The following ANKS1B variants were observed in gnomAD, a reference collection of about 807,000 sequenced individuals.
ANKS1B encodes ankyrin repeat and sterile alpha motif domain containing 1B, also known as ankyrin repeat and sterile alpha motif domain-containing protein 1B.
ANKS1B carries 36 observed loss-of-function variants against 148.3 expected under a neutral mutation model. That is an observed-to-expected ratio of 0.24 (90% CI 0.19 to 0.32). The LOEUF (loss-of-function observed/expected upper bound fraction) is 0.32, where lower values mean the gene tolerates loss of function less well. Among genes scored for constraint, ANKS1B ranks in the 10% least tolerant of loss-of-function variants. The pLI is 1.00. For synonymous variants in ANKS1B, 542 were observed against 560.8 expected, an observed-to-expected ratio of 0.97 and a Z score of 0.47; for missense variants, 1,157 against 1,542.6, an observed-to-expected ratio of 0.75 and a Z score of 4.19.
intron 12 of ANKS1B, among the ~76,000 whole-genome samples, chr12:99,374,721 A>G (rs2093315430): frequency 1.3e-5 from 2 of 152,208 alleles, no homozygotes; most frequent in African/African-American, 2.4e-5. Context: ...TCTTATGGTT[A>G]TCTTAAAAGA....
At chr12:99,369,791 TGG>T (rs2093007194) in intron 12 of ANKS1B, among the ~76,000 whole-genome samples, 22 of 148,760 alleles carry the variant, frequency 1.5e-4, no homozygotes, top group East Asian at 4.0e-4. Context: ...GATAGATAGA[TGG>T]ACGGACGGAC....
intron 8 of ANKS1B, among the ~76,000 whole-genome samples, chr12:99,760,920 A>G (rs889643970): frequency 6.6e-6 from 1 of 151,510 alleles, no homozygotes; most frequent in Non-Finnish European, 1.5e-5. Context: ...TGAACACCAT[A>G]TATATACAAA....
At chr12:99,399,535 A>T in intron 12 of ANKS1B, 96 bp downstream of exon 12, 1 of 1,323,182 alleles carries the variant, frequency 7.6e-7, no homozygotes, top group Non-Finnish European at 1.0e-6. Flanking sequence ...CTAAAAACAC[A>T]ATGCAATTTG....
intron 17 of ANKS1B, among the ~76,000 whole-genome samples, chr12:99,000,112 G>C (rs2099932033): frequency 6.6e-6 from 1 of 151,858 alleles, no homozygotes; most frequent in South Asian, 2.1e-4. Context: ...ACAGAGAGGA[G>C]AGTAAGGAAA....
intron 9 of ANKS1B, among the ~76,000 whole-genome samples, chr12:99,630,956 C>T (rs944197903): frequency 3.3e-5 from 5 of 152,192 alleles, no homozygotes; most frequent in African/African-American, 1.2e-4. Context: ...GGGTCTTTCC[C>T]ATGCTTTTCT....
intron 9 of ANKS1B, among the ~76,000 whole-genome samples, chr12:99,541,737 C>T (rs1331754337): frequency 6.6e-6 from 1 of 152,018 alleles, no homozygotes; most frequent in Non-Finnish European, 1.5e-5. Context: ...CACCTGTAAT[C>T]ACAGCTACTT....
chr12:98,857,437 G>C (rs1306258567), intron 17 of ANKS1B, among the ~76,000 whole-genome samples: 1 of 152,130 alleles, frequency 6.6e-6, no homozygotes, highest in African/African-American at 2.4e-5. Context: ...GATTGAGCTT[G>C]AGGAGGGAGA....
chr12:98,791,554 A>ATT (rs74654037), intron 22 of ANKS1B, among the ~76,000 whole-genome samples: 57 of 151,442 alleles, frequency 3.8e-4, no homozygotes, highest in Admixed American at 9.9e-4. Context: ...GCAACAGAGA[A>ATT]TTTTTTTTTA....
At position 99,624,276 on chromosome 12, in the gene ANKS1B, C is replaced by T. The variant is rs138803766; in HGVS notation, c.1272+30791G>A. On this transcript the variant is annotated intron_variant, in intron 9 of 26. Coordinates refer to ENST00000683438, the MANE Select transcript of ANKS1B (RefSeq NM_001352186.2). ...ACCCAAAATGGATTAAAGACTTAAA[C>T]GTAAGACCTCTAATTGTCAAAATCC... Among the ~76,000 whole-genome samples, 1,506 of 152,078 alleles carry T rather than the reference C, an allele frequency of 9.9e-3. 26 individuals carry two copies. The highest frequency in any genetic ancestry group is 0.034 in the African/African-American group (1,401 of 41,520).
rs139942430 is a variant in ANKS1B, at chr12:98,916,207, G to A, written c.2779-84071C>T. On this transcript the variant is annotated intron_variant, in intron 17 of 26. Coordinates refer to ENST00000683438, the MANE Select transcript of ANKS1B (RefSeq NM_001352186.2). ...AAGAATGATTCACTGCTGAGCTACT[G>A]AGCTACAGGGAGCAATCCAAGGTTT... Among the ~76,000 whole-genome samples, 310 of 152,326 alleles carry A rather than the reference G, an allele frequency of 2.0e-3. 4 individuals are homozygous for A. The East Asian group carries it at 0.036, about 18-fold the overall frequency.
intron 19 of ANKS1B, among the ~76,000 whole-genome samples, chr12:98,808,617 T>G (rs1182841712): frequency 6.6e-6 from 1 of 152,114 alleles, no homozygotes; most frequent in Non-Finnish European, 1.5e-5. Context: ...GCTCCATAAT[T>G]CTGGCTCTCC....
rs187656108 is a variant in ANKS1B at position 99,902,347 on chromosome 12, G to A, written c.135-76958C>T. 8.0e-4 allele frequency among the ~76,000 whole-genome samples: 122 copies of A among 152,312 alleles called. 1 individual carries two copies. The highest frequency in any genetic ancestry group is 1.3e-3 in the Non-Finnish European group (89 of 68,026). ...CATCTAGATAACTGAAGCATGGCAAGTGAGAAGGGGGTAAAATAACACAAG... is the reference window on the plus strand; with the variant it reads ...CATCTAGATAACTGAAGCATGGCAAATGAGAAGGGGGTAAAATAACACAAG... On this transcript the variant is annotated intron_variant, in intron 1 of 26. Coordinates refer to ENST00000683438, the MANE Select transcript of ANKS1B (RefSeq NM_001352186.2).
At chr12:99,633,414 G>A (rs2098194470) in intron 9 of ANKS1B, among the ~76,000 whole-genome samples, 1 of 152,058 alleles carries the variant, frequency 6.6e-6, no homozygotes, top group South Asian at 2.1e-4. Flanking sequence ...AAATGGTGCT[G>A]GGAAAACTGG....
chr12:99,702,773 T>A (rs982029281), intron 8 of ANKS1B, among the ~76,000 whole-genome samples: 2 of 120,266 alleles, frequency 1.7e-5, no homozygotes, highest in African/African-American at 5.8e-5. Flanking sequence ...GCTTTTTAAC[T>A]TGATGTGATT....
chr12:99,000,498 G>A (rs2099932339), intron 17 of ANKS1B, among the ~76,000 whole-genome samples: 1 of 152,064 alleles, frequency 6.6e-6, no homozygotes, highest in African/African-American at 2.4e-5. Flanking sequence ...AGAACTCCTG[G>A]CCTCAAGTGA....
chr12:99,470,124 T>TAATAAC (rs1397326752), intron 10 of ANKS1B, among the ~76,000 whole-genome samples: 3 of 151,082 alleles, frequency 2.0e-5, no homozygotes, highest in African/African-American at 7.3e-5. Flanking sequence ...CTAATAATAA[T>TAATAAC]AATAATAATA....
intron 17 of ANKS1B, among the ~76,000 whole-genome samples, chr12:98,913,963 G>A (rs1210101219): frequency 6.6e-6 from 1 of 152,074 alleles, no homozygotes; most frequent in Non-Finnish European, 1.5e-5. Flanking sequence ...GGTATATCCG[G>A]GCCACCAGTT....
chr12:98,782,145 A>G lies in ANKS1B; in HGVS notation c.3343-8T>C. ...ACCTACCTGACAGTTAGCCTGGTGG[A>G]TTTTCCAGTTAAGACAGATGGGAAC... On this transcript the variant is annotated splice_polypyrimidine_tract_variant and splice_region_variant and intron_variant, in intron 22 of 26. Coordinates refer to ENST00000683438, the MANE Select transcript of ANKS1B (RefSeq NM_001352186.2). 6.3e-7 allele frequency: 1 copy of G among 1,598,968 alleles called. No individual in the cohort carries two copies. The highest frequency in any genetic ancestry group is 1.1e-5 in the South Asian group (1 of 88,048).
intron 1 of ANKS1B, among the ~76,000 whole-genome samples, chr12:99,860,433 G>C (rs2089869487): frequency 6.6e-6 from 1 of 152,234 alleles, no homozygotes; most frequent in African/African-American, 2.4e-5. Flanking sequence ...AGTTTGATGG[G>C]AGACAGGAAG....
Sources: allele counts gnomAD v4.1 joint callset (sites outside exome capture counted in the v4.1 genomes callset), GRCh38; gene constraint gnomAD v4.1.1; transcripts MANE v1.5; gene names NCBI Gene and HGNC (gene_info 2026-07-23, HGNC 2026-07-21).